Variants in CSF2RB observed in about 807,000 individuals in gnomAD.
CSF2RB encodes the protein cytokine receptor common subunit beta.
Under a neutral mutation model 67.2 loss-of-function variants are expected in CSF2RB, and 22 were observed. The ratio of observed to expected loss-of-function variants is 0.33; its 90% CI spans 0.23 to 0.47. The LOEUF (loss-of-function observed/expected upper bound fraction) is 0.47. Among genes scored for constraint, CSF2RB ranks in the 20% least tolerant of loss-of-function variants. CSF2RB has a pLI of 1.00. For missense variants in CSF2RB, 1,113 were observed against 1,174.5 expected (o/e 0.95, Z 0.76); for synonymous variants, 507 against 482.9 (o/e 1.05, Z -0.65).
intron 8 of CSF2RB, among the ~76,000 whole-genome samples, chr22:36,931,173 C>T (rs983409214): frequency 3.9e-5 from 6 of 152,172 alleles, no homozygotes; most frequent in Non-Finnish European, 7.3e-5. Flanking sequence ...TTCTGATATC[C>T]GAAATTCCCC....
At chr22:36,929,852 G>A in intron 6 of CSF2RB, 45 bp downstream of exon 6, 1 of 1,592,176 alleles carries the variant, frequency 6.3e-7, no homozygotes. Flanking sequence ...TGGGAGGGCA[G>A]GCTCATCAGG....
At chr22:36,929,151 C>T (rs770705311) in intron 4 of CSF2RB, among the ~76,000 whole-genome samples, 5 of 152,194 alleles carry the variant, frequency 3.3e-5, no homozygotes, top group South Asian at 2.1e-4. Flanking sequence ...TCCTCGCCAG[C>T]GCTTTTTATG....
chr22:36,939,024 G>A lies in CSF2RB; in HGVS notation c.*522G>A, dbSNP rs912830374. On this transcript the variant is annotated 3_prime_UTR_variant, in exon 14 of 14. Coordinates refer to ENST00000403662, the MANE Select transcript of CSF2RB (RefSeq NM_000395.3). Reference sequence around the variant, plus strand: ...GGAGGCACCAGGTGGGCACCCGTGGGGGTTAGGGCTTGGAAGAGTGGCACA... The same window carrying A: ...GGAGGCACCAGGTGGGCACCCGTGGAGGTTAGGGCTTGGAAGAGTGGCACA... 5 of 645,664 alleles carry A rather than the reference G, an allele frequency of 7.7e-6. No individual in the cohort carries two copies. Among genetic ancestry groups the A allele is most frequent in the Middle Eastern group, 3.4e-4 (1 of 2,946 alleles). The allele number at this position is 645,664 out of a possible 1,614,324, so 40.0% of individuals were successfully genotyped here. A position where few individuals can be genotyped will look rare whatever the true frequency, so the allele number is the denominator to read the frequency against.
At position 36,922,299 on chromosome 22, in the gene CSF2RB, C is replaced by T; in HGVS notation, c.76+16C>T. 1.3e-6 allele frequency: 2 copies of T among 1,565,080 alleles called. No individual in the cohort carries two copies. The highest frequency in any genetic ancestry group is 1.7e-6 in the Non-Finnish European group (2 of 1,154,666). ...GGGGCAGAAGGTGAGTCCCGTGGCT[C>T]CCACCCACTTCCCTGTCCCTGTCCT... On this transcript the variant is annotated intron_variant, in intron 2 of 13. Coordinates refer to ENST00000403662, the MANE Select transcript of CSF2RB (RefSeq NM_000395.3).
chr22:36,926,510 C>G (rs1435814263), intron 4 of CSF2RB, among the ~76,000 whole-genome samples: 4 of 152,264 alleles, frequency 2.6e-5, no homozygotes, highest in African/African-American at 9.6e-5. Context: ...CATCTCATCT[C>G]TGAAGCAACC....
chr22:36,931,753 G>A (rs779552660), intron 8 of CSF2RB, among the ~76,000 whole-genome samples: 5 of 152,132 alleles, frequency 3.3e-5, no homozygotes, highest in Non-Finnish European at 7.4e-5. Flanking sequence ...TGGGTCTGCC[G>A]GCCAGGTGGG....
chr22:36,926,312 A>G, intron 4 of CSF2RB, 135 bp downstream of exon 4: 1 of 870,492 alleles, frequency 1.1e-6, no homozygotes, highest in Non-Finnish European at 1.8e-6. Context: ...GGATGAGGGT[A>G]TGGTCTGGTT....
At chr22:36,927,373 C>T (rs566808370) in intron 4 of CSF2RB, among the ~76,000 whole-genome samples, 62 of 152,082 alleles carry the variant, frequency 4.1e-4, no homozygotes, top group African/African-American at 1.3e-3. Context: ...GTGGGTGCCT[C>T]ATGCAGGGGG....
At chr22:36,919,095 G>A (rs1940790472) in intron 1 of CSF2RB, among the ~76,000 whole-genome samples, 1 of 152,194 alleles carries the variant, frequency 6.6e-6, no homozygotes, top group African/African-American at 2.4e-5. Flanking sequence ...TGGCAACGGA[G>A]TATAGGAAGG....
chr22:36,939,926 T>C lies in CSF2RB; in HGVS notation c.*1424T>C, dbSNP rs959799348. On this transcript the variant is annotated 3_prime_UTR_variant, in exon 14 of 14. Transcript: ENST00000403662. ...TTTGTCCTAATTTATATATTGTTTTTCTAGTTCATTTTGTGTTTCCAACTT... is the reference window on the plus strand; with the variant it reads ...TTTGTCCTAATTTATATATTGTTTTCCTAGTTCATTTTGTGTTTCCAACTT... 2 of 152,380 alleles carry C rather than the reference T, an allele frequency of 1.3e-5. No individual in the cohort carries two copies. Among genetic ancestry groups the C allele is most frequent in the African/African-American group, 4.8e-5 (2 of 41,596 alleles). The allele number at this position is 152,380 out of a possible 1,614,324, so 9.4% of individuals were successfully genotyped here. A position where few individuals can be genotyped will look rare whatever the true frequency, so the allele number is the denominator to read the frequency against.
chr22:36,937,581 G>A lies in CSF2RB; in HGVS notation c.1773G>A (p.Gly591=). ...EKQASSFDFN[G]PYLGPPHSRS... is the part of the protein sequence containing the mutation. ...AGGCTTCCAGCTTTGACTTCAATGG[G>A]CCCTACCTGGGGCCGCCCCACAGCC... Residue 591 remains glycine, a synonymous_variant, in exon 14 of 14, where the codon GGG becomes GGA. Transcript: ENST00000403662. The surrounding 1 kb of genome is among the most constrained non-coding windows in gnomAD (Gnocchi z 4.6). 1 of 1,605,200 alleles carries A rather than the reference G, an allele frequency of 6.2e-7. No individual in the cohort carries two copies.
chr22:36,928,532 T>G (rs1328669905), intron 4 of CSF2RB, among the ~76,000 whole-genome samples: 1 of 152,208 alleles, frequency 6.6e-6, no homozygotes, highest in Non-Finnish European at 1.5e-5. Flanking sequence ...ACATCCTATG[T>G]GTGAGGATGT....
chr22:36,929,940 C>A, intron 6 of CSF2RB, 133 bp downstream of exon 6: 2 of 1,231,032 alleles, frequency 1.6e-6, no homozygotes, highest in African/African-American at 3.0e-5. Context: ...CCAGTAGCGT[C>A]CCTGGGCCGT....
intron 12 of CSF2RB, among the ~76,000 whole-genome samples, chr22:36,936,184 G>A (rs1165365007): frequency 6.6e-6 from 1 of 152,144 alleles, no homozygotes; most frequent in Non-Finnish European, 1.5e-5. Flanking sequence ...TGACCATGGG[G>A]AAGACACCAG....
intron 13 of CSF2RB, among the ~76,000 whole-genome samples, 169 bp downstream of exon 13, chr22:36,936,821 C>A (rs1941277475): frequency 6.6e-6 from 1 of 152,188 alleles, no homozygotes; most frequent in South Asian, 2.1e-4. Context: ...TGAGGAAGAA[C>A]TTCCTCTTTC....
In CSF2RB at chr22:36,935,648, G is replaced by A. The variant is rs1381508280; in HGVS notation, c.1425G>A (p.Glu475=). The change falls in exon 12 of 14, where the codon GAG becomes GAA. Residue 475 remains glutamate (E), a synonymous_variant. Coordinates refer to ENST00000403662, the MANE Select transcript of CSF2RB (RefSeq NM_000395.3). ...IYGYRLRRKW[E]EKIPNPSKSH... ...CTTCCAGGCTGCGCAGAAAGTGGGA[G>A]GAGAAGATCCCCAACCCCAGCAAGA... is the stretch of plus-strand genomic sequence containing the variant. 3 of 1,614,096 alleles carry A rather than the reference G, an allele frequency of 1.9e-6. No individual in the cohort carries two copies. Among genetic ancestry groups the A allele is most frequent in the Admixed American group, 3.3e-5 (2 of 60,008 alleles).
Position 36,939,536 on chromosome 22 carries a change from G to C in CSF2RB, c.*1034G>C, listed in dbSNP as rs1338619770. On this transcript the variant is annotated 3_prime_UTR_variant, in exon 14 of 14. Transcript: ENST00000403662. The stretch of plus-strand genomic sequence containing the variant: ...GGTTCTTTTAAATCTTTGCCTTTCA[G>C]ATACAGGAAAAATAATGGCATTAAA... 2 of 330,318 alleles carry C rather than the reference G, an allele frequency of 6.1e-6. No individual in the cohort carries two copies. The highest frequency in any genetic ancestry group is 1.1e-5 in the Non-Finnish European group (2 of 177,146). 20.5% of individuals were successfully genotyped at this position (330,318 alleles called of 1,614,324 possible).
chr22:36,937,988 C>G lies in CSF2RB; in HGVS notation c.2180C>G (p.Ser727Cys). The G allele has an allele frequency of 6.2e-7, 1 of 1,614,172 alleles. No individual in the cohort carries two copies. Among genetic ancestry groups the G allele is most frequent in the Non-Finnish European group, 8.5e-7 (1 of 1,180,006 alleles). Residue 727 changes from serine to cysteine, a missense_variant, in exon 14 of 14, where the codon TCT (serine) becomes TGT (cysteine). Ser to Cys is a moderately radical substitution (Grantham distance 112, BLOSUM62 -1). Coordinates refer to ENST00000403662, the MANE Select transcript of CSF2RB (RefSeq NM_000395.3). The surrounding 1 kb of genome is among the most constrained non-coding windows in gnomAD (Gnocchi z 4.6). Reference sequence around the variant, plus strand: ...TTCACCCCAAACTCAGGGGCCTCGTCTGTCTCCCTAGTTCCCTCTCTGGGC... The same window carrying G: ...TTCACCCCAAACTCAGGGGCCTCGTGTGTCTCCCTAGTTCCCTCTCTGGGC... ...LVFTPNSGAS[S>C]VSLVPSLGLP...
chr22:36,922,133 C>A lies in CSF2RB; in HGVS notation c.-75C>A. ...TGGGCAGGAACACAGGACTTCAGGACACTAAGGACCCTGTCATGCCCATGG... is the reference window on the plus strand; with the variant it reads ...TGGGCAGGAACACAGGACTTCAGGAAACTAAGGACCCTGTCATGCCCATGG... On this transcript the variant is annotated 5_prime_UTR_variant, in exon 2 of 14. Transcript: ENST00000403662. The A allele has an allele frequency of 7.3e-7, 1 of 1,371,848 alleles. No individual in the cohort carries two copies. Among genetic ancestry groups the A allele is most frequent in the Non-Finnish European group, 1.0e-6 (1 of 992,076 alleles). The allele number at this position is 1,371,848 out of a possible 1,614,324, so 85.0% of individuals were successfully genotyped here.
Sources: gnomAD v4.1 joint callset for allele counts (sites outside exome capture counted in the v4.1 genomes callset) on GRCh38, gnomAD v4.1.1 for gene constraint, Gnocchi (gnomAD v3.1) non-coding constraint, MANE v1.5 for transcripts, NCBI Gene and HGNC (gene_info 2026-07-23, HGNC 2026-07-21) for gene names.